The following INPP5A variants were observed in gnomAD, a reference collection of about 807,000 sequenced individuals.
INPP5A encodes the protein inositol polyphosphate-5-phosphatase A.
INPP5A carries 14 observed loss-of-function variants against 65.2 expected under a neutral mutation model. That is an observed-to-expected ratio of 0.21 (90% CI 0.14 to 0.34). The LOEUF is 0.34. Ranked by LOEUF, INPP5A falls within the 10% of genes least tolerant of loss-of-function variation. INPP5A has a pLI of 1.00. For missense variants in INPP5A, 431 were observed against 545.6 expected (o/e 0.79, Z 2.09); for synonymous variants, 207 against 208.3 (o/e 0.99, Z 0.05).
chr10:132,772,513 A>G (rs113610545), intron 12 of INPP5A, among the ~76,000 whole-genome samples: 2 of 118,450 alleles, frequency 1.7e-5, no homozygotes, highest in African/African-American at 6.3e-5. Context: ...CACAGCAGCC[A>G]CCCGATGAAG....
chr10:132,581,041 G>C (rs942449496), intron 1 of INPP5A, among the ~76,000 whole-genome samples: 5 of 152,104 alleles, frequency 3.3e-5, no homozygotes, highest in Non-Finnish European at 5.9e-5. Context: ...ACCTTTCCCT[G>C]GCCCTCCCAG....
chr10:132,710,954 C>T (rs1055559593), intron 8 of INPP5A, among the ~76,000 whole-genome samples: 4 of 152,154 alleles, frequency 2.6e-5, no homozygotes, highest in East Asian at 1.9e-4. Flanking sequence ...CTCTGCTCTG[C>T]GCTTGCTGAT....
intron 11 of INPP5A, among the ~76,000 whole-genome samples, chr10:132,760,326 C>T (rs779394028): frequency 7.2e-5 from 11 of 152,214 alleles, no homozygotes; most frequent in Non-Finnish European, 1.2e-4. Context: ...TTGCTGGAGG[C>T]AGAGCCAGGG....
chr10:132,740,089 T>A (rs1458915430), intron 9 of INPP5A, among the ~76,000 whole-genome samples: 1 of 152,176 alleles, frequency 6.6e-6, no homozygotes, highest in Admixed American at 6.5e-5. Flanking sequence ...CGGCAATGTC[T>A]AAGATCTGCA....
chr10:132,623,858 C>T (rs1564938318), intron 2 of INPP5A, among the ~76,000 whole-genome samples: 1 of 152,190 alleles, frequency 6.6e-6, no homozygotes, highest in Non-Finnish European at 1.5e-5. Flanking sequence ...AGATACTTCA[C>T]TGAAGAAGAG....
chr10:132,661,634 T>C (rs539301985), intron 4 of INPP5A, among the ~76,000 whole-genome samples: 2 of 152,304 alleles, frequency 1.3e-5, no homozygotes, highest in South Asian at 2.1e-4. Context: ...ATTCAGTGCA[T>C]TACTAATCAA....
rs191473403 is a variant in INPP5A, at chr10:132,719,113, C to T, written c.648-7708C>T. Among the ~76,000 whole-genome samples the T allele has an allele frequency of 3.5e-3, 514 of 147,624 alleles. 7 individuals are homozygous for T. Among genetic ancestry groups the T allele is most frequent in the East Asian group, 0.027 (130 of 4,836 alleles). ...CTGGGTTCTGTCTGGGCACCTTAGA[C>T]GACTGTCTTCAGGGTTCTGTGGTAC... On this transcript the variant is annotated intron_variant, in intron 8 of 15. Transcript: ENST00000368594.
Position 132,782,058 on chromosome 10 carries a change from A to C in INPP5A, c.*29A>C. 1 of 1,569,072 alleles carries C rather than the reference A, an allele frequency of 6.4e-7. No individual in the cohort carries two copies. Among genetic ancestry groups the C allele is most frequent in the South Asian group, 1.1e-5 (1 of 87,446 alleles). ...ACAGGGAAGAGATGCCAGCGCCACG[A>C]GAGGACACTTCGTGAGCCTCCCTGT... On this transcript the variant is annotated 3_prime_UTR_variant, in exon 16 of 16. Transcript: ENST00000368594. This position sits in a 1 kb window ranked among gnomAD's most constrained non-coding sequence, Gnocchi z 4.4.
At chr10:132,703,927 A>ATG (rs1845488198) in intron 6 of INPP5A, among the ~76,000 whole-genome samples, 1 of 69,516 alleles carries the variant, frequency 1.4e-5, no homozygotes, top group Non-Finnish European at 2.6e-5. Context: ...CACACACGCA[A>ATG]GCTTCACCCC....
At position 132,675,614 on chromosome 10, in the gene INPP5A, C is replaced by T. The variant is rs1267982482; in HGVS notation, c.307-14778C>T. The stretch of plus-strand genomic sequence containing the variant: ...AGAGTGAGGGTAACGGACATTCCCA[C>T]GGGGATATTCCCACGCGGAGAACTG... On this transcript the variant is annotated intron_variant, in intron 4 of 15. Transcript: ENST00000368594. The surrounding 1 kb of genome is among the most constrained non-coding windows in gnomAD (Gnocchi z 4.2). Among the ~76,000 whole-genome samples the T allele has an allele frequency of 3.3e-5, 5 of 152,268 alleles. No homozygotes were observed. The highest frequency in any genetic ancestry group is 2.1e-4 in the South Asian group (1 of 4,828).
intron 9 of INPP5A, among the ~76,000 whole-genome samples, chr10:132,738,362 G>A (rs1846214072): frequency 6.6e-6 from 1 of 152,202 alleles, no homozygotes; most frequent in Non-Finnish European, 1.5e-5. Flanking sequence ...GCATACAGGG[G>A]ACCCTGGGAC....
chr10:132,579,311 G>A (rs914951561), intron 1 of INPP5A, among the ~76,000 whole-genome samples: 9 of 152,084 alleles, frequency 5.9e-5, no homozygotes, highest in African/African-American at 1.9e-4. Context: ...GGTGGCTGTC[G>A]TGCCCCTGAG....
intron 4 of INPP5A, among the ~76,000 whole-genome samples, chr10:132,687,838 C>A (rs560011522): frequency 1.3e-5 from 2 of 152,248 alleles, no homozygotes; most frequent in Non-Finnish European, 2.9e-5. Flanking sequence ...CCCCACCAGA[C>A]GCAGCAGAGA....
chr10:132,596,914 CAT>C (rs879697407), intron 1 of INPP5A, among the ~76,000 whole-genome samples: 33,775 of 100,006 alleles, frequency 0.34, 4,274 homozygotes, highest in East Asian at 0.56. Flanking sequence ...TGCATGTGTG[CAT>C]GTGTGCGCGC....
At chr10:132,626,703 G>T (rs559037183) in intron 2 of INPP5A, among the ~76,000 whole-genome samples, 2 of 152,234 alleles carry the variant, frequency 1.3e-5, no homozygotes, top group East Asian at 3.9e-4. Flanking sequence ...TTTACAGACA[G>T]ATTGTCAAGG....
intron 8 of INPP5A, among the ~76,000 whole-genome samples, chr10:132,714,138 G>GTCAT (rs1235459559): frequency 6.6e-6 from 1 of 152,214 alleles, no homozygotes; most frequent in African/African-American, 2.4e-5. Context: ...ATTAAAATGT[G>GTCAT]TCATTGCCCC....
At chr10:132,630,476 G>A (rs1190396665) in intron 2 of INPP5A, among the ~76,000 whole-genome samples, 6 of 151,970 alleles carry the variant, frequency 3.9e-5, no homozygotes, top group Admixed American at 3.9e-4. Flanking sequence ...TCTAGGGAAA[G>A]GCATACATGA....
intron 1 of INPP5A, among the ~76,000 whole-genome samples, chr10:132,570,265 T>G (rs923838301): frequency 2.6e-5 from 4 of 152,276 alleles, no homozygotes; most frequent in African/African-American, 9.6e-5. Flanking sequence ...TGTTGGTGAC[T>G]GCACGTTTGC....
intron 12 of INPP5A, among the ~76,000 whole-genome samples, chr10:132,774,864 G>GGAGA (rs1554959849): frequency 3.7e-3 from 273 of 73,312 alleles, no homozygotes; most frequent in Middle Eastern, 0.01. Flanking sequence ...CGGGCAGGGA[G>GGAGA]GAGGGGCAGG....
Sources: gnomAD v4.1 joint callset for allele counts (sites outside exome capture counted in the v4.1 genomes callset) on GRCh38, gnomAD v4.1.1 for gene constraint, Gnocchi (gnomAD v3.1) non-coding constraint, MANE v1.5 for transcripts, NCBI Gene and HGNC (gene_info 2026-07-23, HGNC 2026-07-21) for gene names.